The following YTHDF1 variants were observed in gnomAD, a reference collection of about 807,000 sequenced individuals.
YTHDF1 encodes the protein YTH domain-containing family protein 1.
YTHDF1 carries 16 observed loss-of-function variants against 49.1 expected under a neutral mutation model. That is an observed-to-expected ratio of 0.33 (90% CI 0.22 to 0.49). The LOEUF (loss-of-function observed/expected upper bound fraction) is 0.49, where lower values mean the gene tolerates loss of function less well. YTHDF1 is among the 20% of genes least tolerant of loss of function. YTHDF1 has a pLI of 0.99. For missense variants in YTHDF1, 621 were observed against 744.3 expected, an observed-to-expected ratio of 0.83 and a Z score of 1.93; for synonymous variants, 313 against 290.1, an observed-to-expected ratio of 1.08 and a Z score of -0.80.
intron 3 of YTHDF1, among the ~76,000 whole-genome samples, chr20:63,204,474 T>C (rs543258520): frequency 3.0e-4 from 46 of 152,304 alleles, no homozygotes; most frequent in African/African-American, 1.0e-3. Context: ...CACATTCCCA[T>C]GATTTCCTGG....
At chr20:63,201,529 C>T (rs964168353) in intron 4 of YTHDF1, among the ~76,000 whole-genome samples, 2 of 152,172 alleles carry the variant, frequency 1.3e-5, no homozygotes, top group African/African-American at 4.8e-5. Context: ...CACTCAATCC[C>T]GTCAGACATC....
chr20:63,212,810 G>A (rs1434005198), intron 3 of YTHDF1, among the ~76,000 whole-genome samples: 6 of 152,188 alleles, frequency 3.9e-5, no homozygotes, highest in African/African-American at 7.2e-5. Context: ...ATGGGGAGAA[G>A]GAGTTGCTAA....
At chr20:63,210,714 G>A (rs1568994450) in intron 3 of YTHDF1, among the ~76,000 whole-genome samples, 1 of 152,138 alleles carries the variant, frequency 6.6e-6, no homozygotes, top group East Asian at 1.9e-4. Flanking sequence ...CTTGAGCCAG[G>A]GAGGTGGAGG....
intron 3 of YTHDF1, among the ~76,000 whole-genome samples, chr20:63,211,160 CTCTTT>C (rs1216840804): frequency 2.6e-5 from 4 of 152,176 alleles, no homozygotes; most frequent in Non-Finnish European, 5.9e-5. Context: ...CTAGATTTTT[CTCTTT>C]TAAGTACCCA....
intron 4 of YTHDF1, among the ~76,000 whole-genome samples, chr20:63,200,163 C>T (rs1568990363): frequency 2.6e-5 from 4 of 152,058 alleles, no homozygotes; most frequent in Admixed American, 2.0e-4. Flanking sequence ...GAGATCGAGA[C>T]CAGCCTGGCC....
At chr20:63,211,683 G>A (rs2066574953) in intron 3 of YTHDF1, among the ~76,000 whole-genome samples, 1 of 152,148 alleles carries the variant, frequency 6.6e-6, no homozygotes, top group African/African-American at 2.4e-5. Flanking sequence ...GCTGGGCACA[G>A]TGGCTCATAC....
chr20:63,199,427 G>A (rs1256537207), intron 4 of YTHDF1, among the ~76,000 whole-genome samples: 2 of 151,892 alleles, frequency 1.3e-5, no homozygotes, highest in Non-Finnish European at 2.9e-5. Context: ...GCTGAGGCAG[G>A]AGAATTGTGT....
chr20:63,207,630 A>G (rs1013639558), intron 3 of YTHDF1, among the ~76,000 whole-genome samples: 41 of 152,206 alleles, frequency 2.7e-4, no homozygotes, highest in African/African-American at 9.4e-4. Flanking sequence ...AGCCGCCTCC[A>G]CAGAAGACTG....
intron 4 of YTHDF1, among the ~76,000 whole-genome samples, chr20:63,200,755 C>T (rs1217216228): frequency 1.3e-5 from 2 of 152,148 alleles, no homozygotes; most frequent in African/African-American, 4.8e-5. Flanking sequence ...TTTATGAAAA[C>T]CCAAGTATTA....
At chr20:63,198,804 C>T (rs115524363) in intron 4 of YTHDF1, among the ~76,000 whole-genome samples, 3 of 152,212 alleles carry the variant, frequency 2.0e-5, no homozygotes, top group Admixed American at 6.5e-5. Context: ...GTCAGGGGCA[C>T]CTGCCGCCAG....
At chr20:63,212,938 T>C (rs1286791467) in intron 3 of YTHDF1, among the ~76,000 whole-genome samples, 1 of 152,250 alleles carries the variant, frequency 6.6e-6, no homozygotes, top group Non-Finnish European at 1.5e-5. Flanking sequence ...AGAGAAAGCC[T>C]GAATTACCTA....
chr20:63,202,997 G>T lies in YTHDF1; in HGVS notation c.943C>A (p.Pro315Thr), dbSNP rs1316269503. 1.2e-6 allele frequency: 2 copies of T among 1,612,854 alleles called. No individual in the cohort carries two copies. The highest frequency in any genetic ancestry group is 2.7e-5 in the African/African-American group (2 of 75,058). The change falls in exon 4 of 5, where the codon CCG becomes ACG. Residue 315 changes from proline (P) to threonine (T), a missense_variant. Around this residue, in one of 2 missense-constraint regions of YTHDF1, gnomAD observed 470 missense variants for 495.8 expected, o/e 0.95. Coordinates refer to ENST00000370339, the MANE Select transcript of YTHDF1 (RefSeq NM_017798.4). ...LPAQPPALAQ[P>T]QYQSPQQPPQ... ...GGCTGCTGAGGGCTCTGATACTGCGGTTGAGCCAAAGCTGGGGGCTGTGCT... is the reference window on the plus strand; with the variant it reads ...GGCTGCTGAGGGCTCTGATACTGCGTTTGAGCCAAAGCTGGGGGCTGTGCT...
At chr20:63,207,326 G>C (rs555349756) in intron 3 of YTHDF1, among the ~76,000 whole-genome samples, 1 of 152,030 alleles carries the variant, frequency 6.6e-6, no homozygotes, top group Non-Finnish European at 1.5e-5. Context: ...AAAATTAGCC[G>C]GGCGTGGTGG....
intron 2 of YTHDF1, among the ~76,000 whole-genome samples, chr20:63,214,370 A>T (rs1003873796): frequency 1.3e-5 from 2 of 152,226 alleles, no homozygotes; most frequent in Admixed American, 1.3e-4. Context: ...CAACTGAAGG[A>T]CTGTTGGGAG....
chr20:63,206,953 G>A (rs1004077451), intron 3 of YTHDF1, among the ~76,000 whole-genome samples: 2 of 152,172 alleles, frequency 1.3e-5, no homozygotes, highest in Admixed American at 6.5e-5. Context: ...CACAGTGCGT[G>A]GGAGACAACT....
At chr20:63,206,635 T>G (rs923280883) in intron 3 of YTHDF1, among the ~76,000 whole-genome samples, 4 of 152,202 alleles carry the variant, frequency 2.6e-5, no homozygotes, top group African/African-American at 9.6e-5. Context: ...CTCCTGATAC[T>G]TTCTGTGCTC....
rs2044832389 is a variant in YTHDF1 at position 63,203,255 on chromosome 20, A to T, written c.685T>A (p.Ser229Thr). The T allele has an allele frequency of 1.9e-6, 3 of 1,613,802 alleles. No individual in the cohort carries two copies. The African/African-American group carries it at 4.0e-5, about 22-fold the overall frequency. ...NGGTNVNMPV[S>T]KPTSWAAIAS... Reference sequence around the variant, plus strand: ...ATGGCAGCCCACGAGGTCGGCTTTGAAACTGGCATGTTCACATTTGTCCCA... The same window carrying T: ...ATGGCAGCCCACGAGGTCGGCTTTGTAACTGGCATGTTCACATTTGTCCCA... Residue 229 changes from serine to threonine, a missense_variant, in exon 4 of 5, where the codon TCA (serine) becomes ACA (threonine). Coordinates refer to ENST00000370339, the MANE Select transcript of YTHDF1 (RefSeq NM_017798.4). The surrounding 1 kb of genome is among the most constrained non-coding windows in gnomAD (Gnocchi z 4.4).
At chr20:63,201,818 T>C (rs557637671) in intron 4 of YTHDF1, among the ~76,000 whole-genome samples, 3 of 152,334 alleles carry the variant, frequency 2.0e-5, no homozygotes, top group East Asian at 3.9e-4. Flanking sequence ...GACAGTGCCC[T>C]GGGAAGCAAG....
At chr20:63,197,119 G>A in intron 4 of YTHDF1, among the ~76,000 whole-genome samples, 1 of 152,216 alleles carries the variant, frequency 6.6e-6, no homozygotes. Context: ...GCACGCACCA[G>A]GCTCTCAAGG....
Sources: allele counts gnomAD v4.1 joint callset (sites outside exome capture counted in the v4.1 genomes callset), GRCh38; gene constraint gnomAD v4.1.1; regional missense constraint gnomAD v4.1.1; non-coding constraint Gnocchi (gnomAD v3.1); transcripts MANE v1.5; gene names NCBI Gene and HGNC (gene_info 2026-07-23, HGNC 2026-07-21).